ASXL2: variants seen among roughly 807,000 people sequenced by gnomAD.
ASXL2 encodes ASXL transcriptional regulator 2, also known as putative Polycomb group protein ASXL2.
In ASXL2, 23 loss-of-function variants were observed where a neutral mutation model predicts 122.0. That is an observed-to-expected ratio of 0.19 (90% CI 0.14 to 0.27). The LOEUF is 0.27. Ranked by LOEUF, ASXL2 falls within the 10% of genes least tolerant of loss-of-function variation. The pLI is 1.00. For missense variants in ASXL2, 1,518 were observed against 1,713.8 expected (o/e 0.89, Z 2.02); for synonymous variants, 650 against 637.0 (o/e 1.02, Z -0.31).
At chr2:25,864,870 T>C (rs892415773) in intron 1 of ASXL2, among the ~76,000 whole-genome samples, 2 of 151,848 alleles carry the variant, frequency 1.3e-5, no homozygotes, top group Non-Finnish European at 2.9e-5. Flanking sequence ...TCGCTCTCGT[T>C]GCCCAGGCTG....
intron 7 of ASXL2, 21 bp downstream of exon 7, chr2:25,768,721 A>T: frequency 2.5e-6 from 4 of 1,601,306 alleles, no homozygotes; most frequent in Non-Finnish European, 3.4e-6. Flanking sequence ...CTTCCATTGA[A>T]AAACTGCCCA....
Position 25,759,574 on chromosome 2 carries a change from G to C in ASXL2, c.847C>G (p.Leu283Val), listed in dbSNP as rs2149146545. 1 of 1,613,976 alleles carries C rather than the reference G, an allele frequency of 6.2e-7. No homozygotes were observed. The highest frequency in any genetic ancestry group is 8.5e-7 in the Non-Finnish European group (1 of 1,179,876). The part of the protein sequence containing the change: ...TPDSILVNTN[L>V]RALINKHTFS... The stretch of plus-strand genomic sequence containing the variant: ...GTGTGCTTGTTGATCAGTGCTCGCA[G>C]ATTTGTATTAACCAGAATGGAGTCC... The change falls in exon 9 of 13, where the codon CTG becomes GTG. Residue 283 changes from leucine to valine, a missense_variant. Around this residue, in one of 8 missense-constraint regions of ASXL2, gnomAD observed 92 missense variants for 156.6 expected, o/e 0.59. Coordinates refer to ENST00000435504, the MANE Select transcript of ASXL2 (RefSeq NM_018263.6).
In ASXL2 at chr2:25,741,923, ACTGAAAC is replaced by A; in HGVS notation, c.*99_*105del. ...TAAGTAACATTTGTCTCTGAAGACA[ACTGAAAC>A]CTACTTGTTTATTTCTGTGATTCCA... is the stretch of plus-strand genomic sequence containing the variant. On this transcript the variant is annotated 3_prime_UTR_variant, in exon 13 of 13. Coordinates refer to ENST00000435504, the MANE Select transcript of ASXL2 (RefSeq NM_018263.6). 2 of 1,127,270 alleles carry A rather than the reference ACTGAAAC, an allele frequency of 1.8e-6. No homozygotes were observed. The highest frequency in any genetic ancestry group is 2.5e-6 in the Non-Finnish European group (2 of 788,924). The allele number at this position is 1,127,270 out of a possible 1,614,324, so 69.8% of individuals were successfully genotyped here.
intron 3 of ASXL2, among the ~76,000 whole-genome samples, chr2:25,826,762 T>A (rs1423465465): frequency 1.3e-3 from 87 of 68,044 alleles, no homozygotes; most frequent in East Asian, 3.4e-3. Flanking sequence ...ACTTTCAAGG[T>A]AAAAAAAAAA....
chr2:25,784,033 G>A (rs1055344757), intron 5 of ASXL2, among the ~76,000 whole-genome samples: 3 of 150,644 alleles, frequency 2.0e-5, no homozygotes, highest in Non-Finnish European at 2.9e-5. Context: ...CAGCCTGGGC[G>A]AAAGAGTGAA....
intron 1 of ASXL2, among the ~76,000 whole-genome samples, chr2:25,850,047 A>C (rs1042946607): frequency 5.3e-5 from 8 of 152,122 alleles, no homozygotes; most frequent in Non-Finnish European, 1.0e-4. Flanking sequence ...CATTTTCAAC[A>C]ATTATCAACA....
At chr2:25,875,489 A>AATT (rs2090002675) in intron 1 of ASXL2, among the ~76,000 whole-genome samples, 4 of 151,912 alleles carry the variant, frequency 2.6e-5, no homozygotes. Context: ...AAATAAATAC[A>AATT]ATTATAATAA....
rs373690968 is a variant in ASXL2, at chr2:25,755,992, G to A, written c.1036+26C>T. ...GTGCTCTGAGTGCACACACCACCTG[G>A]GAGACACATTAAGTAGAGCACTTAC... On this transcript the variant is annotated intron_variant, in intron 10 of 12. Coordinates refer to ENST00000435504, the MANE Select transcript of ASXL2 (RefSeq NM_018263.6). 73 of 1,579,650 alleles carry A rather than the reference G, an allele frequency of 4.6e-5. No homozygotes were observed. The African/African-American group carries it at 9.0e-4, about 19-fold the overall frequency.
At chr2:25,801,952 T>C in intron 4 of ASXL2, among the ~76,000 whole-genome samples, 1 of 152,210 alleles carries the variant, frequency 6.6e-6, no homozygotes, top group Non-Finnish European at 1.5e-5. Flanking sequence ...AACTGCTCAG[T>C]CAGGTTTTCA....
At position 25,805,966 on chromosome 2, in the gene ASXL2, C is replaced by A. The variant is rs560283182; in HGVS notation, c.252+263G>T. ...TGTTGGGATTACAGGCGTGAGCCACCACGCCTGGCCATAAGTCATTTTAAT... is the reference window on the plus strand; with the variant it reads ...TGTTGGGATTACAGGCGTGAGCCACAACGCCTGGCCATAAGTCATTTTAAT... On this transcript the variant is annotated intron_variant, in intron 4 of 12. Transcript: ENST00000435504. Among the ~76,000 whole-genome samples, 39 of 152,282 alleles carry A rather than the reference C, an allele frequency of 2.6e-4. No homozygotes were observed. In the South Asian group the frequency reaches 7.9e-3, roughly 31 times the overall value.
chr2:25,785,105 T>C (rs1288118879), intron 5 of ASXL2, among the ~76,000 whole-genome samples: 2 of 152,238 alleles, frequency 1.3e-5, no homozygotes. Context: ...ATTATAGACT[T>C]GTGATCTGTA....
chr2:25,867,400 G>C (rs1306278646), intron 1 of ASXL2, among the ~76,000 whole-genome samples: 1 of 152,072 alleles, frequency 6.6e-6, no homozygotes, highest in South Asian at 2.1e-4. Flanking sequence ...TTGAGGCCTG[G>C]AGTTTGAGAC....
At chr2:25,820,400 A>G (rs1231066591) in intron 3 of ASXL2, among the ~76,000 whole-genome samples, 1 of 152,224 alleles carries the variant, frequency 6.6e-6, no homozygotes, top group African/African-American at 2.4e-5. Context: ...AAATAAATGT[A>G]TATGATTTTT....
intron 5 of ASXL2, among the ~76,000 whole-genome samples, chr2:25,782,973 CAA>C (rs2088670376): frequency 6.6e-6 from 1 of 151,532 alleles, no homozygotes; most frequent in South Asian, 2.1e-4. Flanking sequence ...ACTAAAAATA[CAA>C]AAAATTAGCC....
chr2:25,829,188 G>T (rs552909259), intron 3 of ASXL2, among the ~76,000 whole-genome samples: 1 of 152,056 alleles, frequency 6.6e-6, no homozygotes, highest in African/African-American at 2.4e-5. Flanking sequence ...CCTGAGCCCA[G>T]AAGGTCGAGG....
At chr2:25,762,594 G>A (rs1229218556) in intron 8 of ASXL2, among the ~76,000 whole-genome samples, 2 of 147,680 alleles carry the variant, frequency 1.4e-5, no homozygotes, top group Non-Finnish European at 3.0e-5. Flanking sequence ...GAACCTGGGA[G>A]GCAGAGGTTG....
At chr2:25,841,946 CAAA>C (rs1201875464) in intron 2 of ASXL2, among the ~76,000 whole-genome samples, 3 of 56,232 alleles carry the variant, frequency 5.3e-5, no homozygotes, top group African/African-American at 7.1e-5. Context: ...GACTCTGTCT[CAAA>C]AAAAAAAAAA....
At chr2:25,845,590 T>G in intron 1 of ASXL2, 27 bp from the exon 2 acceptor site, 1 of 971,090 alleles carries the variant, frequency 1.0e-6, no homozygotes, top group Non-Finnish European at 1.4e-6. Context: ...TAATAATAAA[T>G]TATTTCTTAT....
At chr2:25,848,768 G>A (rs1036348659) in intron 1 of ASXL2, among the ~76,000 whole-genome samples, 12 of 151,958 alleles carry the variant, frequency 7.9e-5, no homozygotes, top group South Asian at 2.1e-4. Context: ...TAAGGAGGCC[G>A]GGCACCGTGA....
Sources: allele counts gnomAD v4.1 joint callset (sites outside exome capture counted in the v4.1 genomes callset), GRCh38; gene constraint gnomAD v4.1.1; regional missense constraint gnomAD v4.1.1; transcripts MANE v1.5; gene names NCBI Gene and HGNC (gene_info 2026-07-23, HGNC 2026-07-21).